The following CES1 variants were observed in gnomAD, a reference collection of about 807,000 sequenced individuals.
The protein encoded by CES1 is liver carboxylesterase 1.
Under a neutral mutation model 53.0 loss-of-function variants are expected in CES1, and 50 were observed. The ratio of observed to expected loss-of-function variants is 0.94; its 90% CI spans 0.75 to 1.19. CES1 has a LOEUF of 1.19. Ranked by LOEUF, CES1 falls within the 50% of genes most tolerant of loss-of-function variation. The probability of loss-of-function intolerance (pLI) is 0.00; values close to 1 mark genes in which losing one functional copy is unlikely to be tolerated. For missense variants in CES1, 534 were observed against 538.0 expected, an observed-to-expected ratio of 0.99 and a Z score of 0.07; for synonymous variants, 202 against 210.1, an observed-to-expected ratio of 0.96 and a Z score of 0.33.
At chr16:55,811,117 G>T in intron 9 of CES1, 107 bp from the exon 10 acceptor site, 1 of 940,210 alleles carries the variant, frequency 1.1e-6, no homozygotes, top group East Asian at 2.5e-5. Flanking sequence ...CTCTAATTAT[G>T]GGGGCTTTTA....
chr16:55,815,249 G>A (rs1294019218), intron 8 of CES1, among the ~76,000 whole-genome samples: 5 of 152,304 alleles, frequency 3.3e-5, no homozygotes, highest in East Asian at 3.9e-4. Context: ...CAGTGTGCAC[G>A]CAGGTGTGTT....
intron 7 of CES1, among the ~76,000 whole-genome samples, chr16:55,818,848 C>T (rs563010501): frequency 1.3e-4 from 19 of 151,666 alleles, no homozygotes; most frequent in South Asian, 8.4e-4. Flanking sequence ...AGCAGACAGG[C>T]GATAATTGGA....
chr16:55,820,241 C>T (rs1483941793), intron 6 of CES1, 131 bp downstream of exon 6: 2 of 659,666 alleles, frequency 3.0e-6, no homozygotes, highest in African/African-American at 3.7e-5. Flanking sequence ...TCCTGCTCAG[C>T]CATTGGTGCC....
Position 55,824,813 on chromosome 16 carries a change from A to G in CES1, c.406-1130T>C, listed in dbSNP as rs536371112. On this transcript the variant is annotated intron_variant, in intron 3 of 13. Coordinates refer to ENST00000360526, the MANE Select transcript of CES1 (RefSeq NM_001025195.2). ...AGGAAACAGAGGCTTAGAGAAGTTA[A>G]GAAACTCCCAAGTCTCTCAGCTAGT... Among the ~76,000 whole-genome samples the G allele has an allele frequency of 1.2e-4, 18 of 152,360 alleles. No individual in the cohort carries two copies. In the South Asian group the frequency reaches 3.7e-3, roughly 32 times the overall value.
At position 55,811,013 on chromosome 16, in the gene CES1, A is replaced by AG. The variant is rs2031672640; in HGVS notation, c.1087-4_1087-3insC. ...GAGAGTGGATAGCTCATCAACTGCT[A>AG]AAAAAAAAAAAAAGTTCAGCATTTA... On this transcript the variant is annotated splice_polypyrimidine_tract_variant and splice_region_variant and intron_variant, in intron 9 of 13. Coordinates refer to ENST00000360526, the MANE Select transcript of CES1 (RefSeq NM_001025195.2). The AG allele has an allele frequency of 2.3e-5, 20 of 877,790 alleles. No individual in the cohort carries two copies. The highest frequency in any genetic ancestry group is 2.8e-5 in the Non-Finnish European group (18 of 643,088). The allele number at this position is 877,790 out of a possible 1,614,324, so 54.4% of individuals were successfully genotyped here.
intron 7 of CES1, among the ~76,000 whole-genome samples, chr16:55,817,743 T>C (rs1206117140): frequency 2.0e-5 from 3 of 151,346 alleles, no homozygotes; most frequent in African/African-American, 7.3e-5. Flanking sequence ...TGTATGTGTT[T>C]CTCTGTGTGT....
intron 11 of CES1, among the ~76,000 whole-genome samples, chr16:55,809,897 A>G (rs1236525015): frequency 2.0e-5 from 3 of 152,240 alleles, no homozygotes; most frequent in Non-Finnish European, 4.4e-5. Flanking sequence ...AACTCCAGGC[A>G]TGGAGCCCTT....
At chr16:55,819,178 T>C (rs1278409086) in intron 7 of CES1, among the ~76,000 whole-genome samples, 1 of 152,244 alleles carries the variant, frequency 6.6e-6, no homozygotes, top group African/African-American at 2.4e-5. Context: ...AATTGTGACA[T>C]CTTTCTGAAA....
At chr16:55,826,402 T>C (rs1460711091) in intron 2 of CES1, 107 bp from the exon 3 acceptor site, 15 of 1,361,742 alleles carry the variant, frequency 1.1e-5, no homozygotes, top group Middle Eastern at 2.0e-4. Flanking sequence ...ATGGACTTGA[T>C]AGTTACAGAC....
At chr16:55,827,453 AAG>A (rs1270031123) in intron 2 of CES1, among the ~76,000 whole-genome samples, 2 of 152,100 alleles carry the variant, frequency 1.3e-5, no homozygotes, top group African/African-American at 4.8e-5. Context: ...AAGCATTGCC[AAG>A]AGTCTGCCAA....
chr16:55,830,819 A>AGGC (rs1555514162), intron 1 of CES1, among the ~76,000 whole-genome samples: 357 of 127,128 alleles, frequency 2.8e-3, no homozygotes, highest in Middle Eastern at 0.02. Context: ...GGAAGGAAGG[A>AGGC]AGGCAGGCAG....
At chr16:55,832,929 A>ACGCAT in intron 1 of CES1, 75 bp downstream of exon 1, 1 of 1,265,362 alleles carries the variant, frequency 7.9e-7, no homozygotes, top group Admixed American at 1.7e-5. Context: ...TTGCCTTTCT[A>ACGCAT]CGCATCTGCG....
In CES1 at chr16:55,819,535, C is replaced by T; in HGVS notation, c.906G>A (p.Met302Ile). The T allele has an allele frequency of 5.6e-6, 9 of 1,610,786 alleles. No individual in the cohort carries two copies. The highest frequency in any genetic ancestry group is 1.7e-5 in the Admixed American group (1 of 60,014). The change falls in exon 7 of 14, where the codon ATG (methionine) becomes ATA (isoleucine). Residue 302 changes from methionine to isoleucine, a missense_variant and splice_region_variant. Met to Ile is a conservative substitution (Grantham distance 10). This residue lies in a region of CES1 where 269 missense variants were observed against 206.6 expected (regional missense o/e 1.30). Coordinates refer to ENST00000360526, the MANE Select transcript of CES1 (RefSeq NM_001025195.2). ...EEELLETTLKMKFLSLDLQGD... is the reference protein window; with the variant it reads ...EEELLETTLKIKFLSLDLQGD... ...TGGGCTACGGGAACAGGCAACCTAC[C>T]ATTTTCAATGTCGTCTCCAAGAGCT... is the stretch of plus-strand genomic sequence containing the variant.
Position 55,810,911 on chromosome 16 carries a change from A to T in CES1, c.1170+16T>A, listed in dbSNP as rs763747771. 6 of 1,608,508 alleles carry T rather than the reference A, an allele frequency of 3.7e-6. No individual in the cohort carries two copies. Among genetic ancestry groups the T allele is most frequent in the East Asian group, 4.5e-5 (2 of 44,876 alleles). The stretch of plus-strand genomic sequence containing the variant: ...CTCTGGGTCTCAGCCAATTCCCATG[A>T]TTCCTAGACTCTTACAACAAGGGGA... On this transcript the variant is annotated intron_variant, in intron 10 of 13. Coordinates refer to ENST00000360526, the MANE Select transcript of CES1 (RefSeq NM_001025195.2).
Position 55,810,987 on chromosome 16 carries a change from G to C in CES1, c.1110C>G (p.Ser370=). The C allele has an allele frequency of 6.2e-7, 1 of 1,611,884 alleles. No individual in the cohort carries two copies. The change falls in exon 10 of 14, where the codon TCC becomes TCG. Residue 370 remains serine, a synonymous_variant. Transcript: ENST00000360526. ...CTGTCTTCTGGTCCAGTTGCCCTTC[G>C]GAGAGTGGATAGCTCATCAACTGCT... ...IPMQLMSYPL[S]EGQLDQKTAM...
At chr16:55,828,062 A>C (rs1450668921) in intron 2 of CES1, 2 of 152,552 alleles carry the variant, frequency 1.3e-5, no homozygotes, top group East Asian at 3.8e-4. Flanking sequence ...GAAGAAAAGA[A>C]GGCGGCCACT....
At chr16:55,821,631 G>C in intron 4 of CES1, 110 bp from the exon 5 acceptor site, 2 of 1,209,038 alleles carry the variant, frequency 1.7e-6, no homozygotes, top group Non-Finnish European at 1.2e-6. Context: ...ATAAGGCTGG[G>C]CTTCAGCATC....
chr16:55,820,768 C>T (rs1489734771), intron 5 of CES1, among the ~76,000 whole-genome samples: 1 of 152,084 alleles, frequency 6.6e-6, no homozygotes, highest in African/African-American at 2.4e-5. Flanking sequence ...ACCCCTGCCC[C>T]ATCCCTCCCT....
At chr16:55,827,078 G>C (rs1421547049) in intron 2 of CES1, among the ~76,000 whole-genome samples, 2 of 152,046 alleles carry the variant, frequency 1.3e-5, no homozygotes, top group African/African-American at 4.8e-5. Context: ...TTATACACAA[G>C]TATATTATAA....
Sources: gnomAD v4.1 joint callset for allele counts (sites outside exome capture counted in the v4.1 genomes callset) on GRCh38, gnomAD v4.1.1 for gene constraint, gnomAD v4.1.1 regional missense constraint, MANE v1.5 for transcripts, NCBI Gene and HGNC (gene_info 2026-07-23, HGNC 2026-07-21) for gene names.